Variants in PTPRN2 observed in about 807,000 individuals in gnomAD.
PTPRN2 encodes receptor-type tyrosine-protein phosphatase N2.
A neutral mutation model predicts 118.8 loss-of-function variants in PTPRN2; 74 were observed. The observed-to-expected ratio is 0.62, with a 90% CI of 0.52 to 0.76. PTPRN2 has a LOEUF of 0.76. Ranked by LOEUF, PTPRN2 falls within the 30% of genes least tolerant of loss-of-function variation. The pLI, the probability that PTPRN2 is intolerant of heterozygous loss-of-function variation, is 0.00. For synonymous variants in PTPRN2, 641 were observed against 608.0 expected (o/e 1.05, Z -0.80); for missense variants, 1,481 against 1,394.4 (o/e 1.06, Z -0.99).
intron 11 of PTPRN2, among the ~76,000 whole-genome samples, chr7:158,074,135 G>A (rs758134663): frequency 1.3e-5 from 2 of 152,162 alleles, no homozygotes; most frequent in African/African-American, 2.4e-5. Context: ...GAAACTCAGC[G>A]ACGCCCACAG....
intron 6 of PTPRN2, among the ~76,000 whole-genome samples, chr7:158,141,218 T>C (rs1206659936): frequency 6.6e-6 from 1 of 152,234 alleles, no homozygotes; most frequent in Non-Finnish European, 1.5e-5. Context: ...ATTTCTGCTT[T>C]TTACAAATTA....
intron 1 of PTPRN2, among the ~76,000 whole-genome samples, chr7:158,527,210 A>C (rs1824846750): frequency 6.7e-6 from 1 of 148,662 alleles, no homozygotes; most frequent in African/African-American, 2.5e-5. Context: ...CCTGGCCCTC[A>C]CCTCCCCCCA....
intron 14 of PTPRN2, among the ~76,000 whole-genome samples, chr7:157,645,423 T>C (rs1290582710): frequency 6.6e-6 from 1 of 152,214 alleles, no homozygotes; most frequent in Non-Finnish European, 1.5e-5. Flanking sequence ...GGACGCCATC[T>C]TGGCAAAGAT....
intron 19 of PTPRN2, chr7:157,574,456 A>G (rs56324039): frequency 1.9e-6 from 1 of 524,332 alleles, no homozygotes; most frequent in Non-Finnish European, 4.0e-6. Flanking sequence ...TGTCCGTTTT[A>G]CCGTGAGCAG....
At position 158,587,483 on chromosome 7, in the gene PTPRN2, CT is replaced by C. The variant is rs1428936997; in HGVS notation, c.112+74del. The C allele has an allele frequency of 3.4e-4, 370 of 1,089,590 alleles. 1 individual carries two copies. Among genetic ancestry groups the C allele is most frequent in the Non-Finnish European group, 4.1e-4 (361 of 890,690 alleles). 67.5% of individuals were successfully genotyped at this position (1,089,590 alleles called of 1,614,324 possible). On this transcript the variant is annotated intron_variant, in intron 1 of 22. Coordinates refer to ENST00000389418, the MANE Select transcript of PTPRN2 (RefSeq NM_002847.5). Reference sequence around the variant, plus strand: ...TGGCGCCTCTCCCCACCCAGACCCCCTCACGGAGGCGCCCCTCTCACAACGC... The same window carrying C: ...TGGCGCCTCTCCCCACCCAGACCCCCCACGGAGGCGCCCCTCTCACAACGC...
chr7:157,822,997 T>C (rs1219833818), intron 12 of PTPRN2, among the ~76,000 whole-genome samples: 1 of 152,036 alleles, frequency 6.6e-6, no homozygotes, highest in East Asian at 1.9e-4. Flanking sequence ...CCACCCATGA[T>C]CCATACAGAC....
intron 22 of PTPRN2, among the ~76,000 whole-genome samples, chr7:157,546,142 G>T (rs1311403912): frequency 1.3e-5 from 2 of 152,126 alleles, no homozygotes; most frequent in Non-Finnish European, 2.9e-5. Flanking sequence ...AACTCCTCCG[G>T]ACGCCCAGTC....
At chr7:157,568,830 G>A (rs1585043638) in intron 21 of PTPRN2, 72 bp downstream of exon 21, 1 of 1,464,766 alleles carries the variant, frequency 6.8e-7, no homozygotes, top group Non-Finnish European at 9.6e-7. Context: ...CCGTGAACAC[G>A]GCACCCTACG....
chr7:157,930,287 T>A (rs889744505), intron 11 of PTPRN2, among the ~76,000 whole-genome samples: 2 of 152,206 alleles, frequency 1.3e-5, no homozygotes, highest in African/African-American at 4.8e-5. Flanking sequence ...TGTTAAGTGA[T>A]GGCAATGAAA....
intron 12 of PTPRN2, among the ~76,000 whole-genome samples, chr7:157,792,235 G>T (rs897231812): frequency 1.3e-5 from 2 of 152,232 alleles, no homozygotes; most frequent in African/African-American, 4.8e-5. Flanking sequence ...CCTGCAGCCC[G>T]CACTGAGCCA....
At chr7:157,909,620 C>T (rs956769169) in intron 11 of PTPRN2, among the ~76,000 whole-genome samples, 1 of 152,256 alleles carries the variant, frequency 6.6e-6, no homozygotes, top group Non-Finnish European at 1.5e-5. Context: ...TTTGTACCTG[C>T]TGTTTGTTCC....
intron 2 of PTPRN2, among the ~76,000 whole-genome samples, chr7:158,357,446 C>T (rs1225727151): frequency 6.6e-6 from 1 of 152,204 alleles, no homozygotes; most frequent in Non-Finnish European, 1.5e-5. Context: ...CTGGCTTGCT[C>T]GGTAGACGCC....
Position 158,321,415 on chromosome 7 carries a change from T to C in PTPRN2, c.164-4483A>G, listed in dbSNP as rs751404996. ...ATGAACTCTCTTCTACTTCGGACTC[T>C]GTTTCCTGTGCCATGGCCCTGCAGC... On this transcript the variant is annotated intron_variant, in intron 2 of 22. Coordinates refer to ENST00000389418, the MANE Select transcript of PTPRN2 (RefSeq NM_002847.5). 1.2e-3 allele frequency among the ~76,000 whole-genome samples: 177 copies of C among 152,284 alleles called. 1 individual carries two copies. Among genetic ancestry groups the C allele is most frequent in the Non-Finnish European group, 2.0e-3 (137 of 68,018 alleles).
intron 1 of PTPRN2, among the ~76,000 whole-genome samples, chr7:158,540,938 G>A (rs976972955): frequency 1.3e-5 from 2 of 152,218 alleles, no homozygotes; most frequent in Non-Finnish European, 2.9e-5. Context: ...CACAGGTGCT[G>A]CCCACAAGTT....
At chr7:157,620,118 A>ATCAC (rs770158732) in intron 15 of PTPRN2, among the ~76,000 whole-genome samples, 1 of 152,214 alleles carries the variant, frequency 6.6e-6, no homozygotes, top group Non-Finnish European at 1.5e-5. Context: ...TTTATCATTC[A>ATCAC]TCACTCAACG....
At chr7:158,364,582 G>A (rs567154828) in intron 2 of PTPRN2, among the ~76,000 whole-genome samples, 1 of 152,322 alleles carries the variant, frequency 6.6e-6, no homozygotes, top group East Asian at 1.9e-4. Flanking sequence ...CATATTAAAG[G>A]CAGACAGATG....
intron 13 of PTPRN2, chr7:157,669,575 A>C (rs1353688646): frequency 2.1e-6 from 1 of 484,220 alleles, no homozygotes; most frequent in East Asian, 6.3e-5. Flanking sequence ...GGTTCCACGC[A>C]CGGGCAAACA....
intron 11 of PTPRN2, among the ~76,000 whole-genome samples, chr7:157,931,788 C>T (rs1167576906): frequency 1.3e-5 from 2 of 152,032 alleles, no homozygotes; most frequent in African/African-American, 2.4e-5. Flanking sequence ...GTAGGAATTA[C>T]GGCTGCCGTG....
chr7:157,796,668 A>G (rs1305403689), intron 12 of PTPRN2, among the ~76,000 whole-genome samples: 2 of 152,184 alleles, frequency 1.3e-5, no homozygotes, highest in Non-Finnish European at 2.9e-5. Flanking sequence ...TGCAGGTTGC[A>G]CAGGGAGCAC....
Sources: allele counts gnomAD v4.1 joint callset (sites outside exome capture counted in the v4.1 genomes callset), GRCh38; gene constraint gnomAD v4.1.1; transcripts MANE v1.5; gene names NCBI Gene and HGNC (gene_info 2026-07-23, HGNC 2026-07-21).